The following MECOM variants were observed in gnomAD, a reference collection of about 807,000 sequenced individuals.
MECOM encodes histone-lysine N-methyltransferase MECOM.
MECOM carries 13 observed loss-of-function variants against 116.3 expected under a neutral mutation model. That is an observed-to-expected ratio of 0.11 (90% CI 0.07 to 0.18). The LOEUF (loss-of-function observed/expected upper bound fraction) is 0.18. Ranked by LOEUF, MECOM falls within the 10% of genes least tolerant of loss-of-function variation. MECOM has a pLI of 1.00. For synonymous variants in MECOM, 528 were observed against 535.2 expected (o/e 0.99, Z 0.19); for missense variants, 1,299 against 1,509.0 (o/e 0.86, Z 2.31).
intron 1 of MECOM, chr3:169,484,223 A>T (rs1751809671): frequency 1.8e-6 from 1 of 563,412 alleles, no homozygotes; most frequent in Non-Finnish European, 3.1e-6. Flanking sequence ...GTGAATGTTT[A>T]TAACAGAAAG....
At chr3:169,608,642 T>G (rs996703968) in intron 1 of MECOM, among the ~76,000 whole-genome samples, 1 of 152,180 alleles carries the variant, frequency 6.6e-6, no homozygotes, top group African/African-American at 2.4e-5. Context: ...GAGTCTGGTG[T>G]AAGGATGAAG....
intron 1 of MECOM, among the ~76,000 whole-genome samples, chr3:169,415,451 G>A (rs1007704791): frequency 8.5e-5 from 13 of 152,208 alleles, no homozygotes; most frequent in African/African-American, 2.4e-4. Flanking sequence ...AAAGATCATC[G>A]ACACTATGAA....
chr3:169,307,981 T>A (rs1045408999), intron 2 of MECOM, among the ~76,000 whole-genome samples: 3 of 152,216 alleles, frequency 2.0e-5, no homozygotes, highest in African/African-American at 7.2e-5. Context: ...AATTATTTCC[T>A]GATTCAAGTA....
At chr3:169,155,675 A>G (rs1741856446) in intron 2 of MECOM, among the ~76,000 whole-genome samples, 1 of 152,174 alleles carries the variant, frequency 6.6e-6, no homozygotes, top group Admixed American at 6.5e-5. Context: ...CCAAAATGCA[A>G]TCTCCTCTTT....
At chr3:169,378,509 GA>G (rs1443761747) in intron 2 of MECOM, among the ~76,000 whole-genome samples, 3 of 28,072 alleles carry the variant, frequency 1.1e-4, no homozygotes, top group Non-Finnish European at 1.3e-4. Flanking sequence ...AAGAAAGAAA[GA>G]AAGAAAAGAA....
chr3:169,407,869 C>T (rs896141777), intron 1 of MECOM, among the ~76,000 whole-genome samples: 1 of 152,208 alleles, frequency 6.6e-6, no homozygotes, highest in Admixed American at 6.5e-5. Context: ...AGGAATTCCA[C>T]TTCTTGATGG....
At chr3:169,146,610 G>T (rs769184017) in intron 2 of MECOM, 2 of 1,370,620 alleles carry the variant, frequency 1.5e-6, no homozygotes, top group East Asian at 3.9e-5. Flanking sequence ...AGGAAAGAAG[G>T]CTGGGGGCGG....
At chr3:169,518,011 GCACTTTGGGAGGC>G (rs1258905180) in intron 1 of MECOM, among the ~76,000 whole-genome samples, 3 of 152,212 alleles carry the variant, frequency 2.0e-5, no homozygotes, top group Non-Finnish European at 4.4e-5. Flanking sequence ...TGTAATCCCA[GCACTTTGGGAGGC>G]CAAGGCGGGC....
intron 2 of MECOM, among the ~76,000 whole-genome samples, chr3:169,365,136 C>T (rs1009787169): frequency 1.3e-5 from 2 of 151,880 alleles, no homozygotes; most frequent in Non-Finnish European, 2.9e-5. Flanking sequence ...TTAGACATAC[C>T]GCTGACCCTT....
chr3:169,115,379 T>G lies in MECOM; in HGVS notation c.2489+4A>C. 1 of 1,612,826 alleles carries G rather than the reference T, an allele frequency of 6.2e-7. No individual in the cohort carries two copies. Among genetic ancestry groups the G allele is most frequent in the South Asian group, 1.1e-5 (1 of 90,806 alleles). On this transcript the variant is annotated splice_donor_region_variant and intron_variant, in intron 8 of 16. Coordinates refer to ENST00000651503, the MANE Select transcript of MECOM (RefSeq NM_004991.4). ...ATATTTCGTCATCTTCCATACACGCTTACCTGTAAATAGGGTCCATAAAGA... is the reference window on the plus strand; with the variant it reads ...ATATTTCGTCATCTTCCATACACGCGTACCTGTAAATAGGGTCCATAAAGA...
chr3:169,207,287 GA>G (rs1174671544), intron 2 of MECOM, among the ~76,000 whole-genome samples: 1 of 152,178 alleles, frequency 6.6e-6, no homozygotes, highest in Admixed American at 6.5e-5. Flanking sequence ...TCCTGGAAAG[GA>G]ATTCCATATC....
At chr3:169,556,313 A>G (rs567917317) in intron 1 of MECOM, among the ~76,000 whole-genome samples, 1 of 152,190 alleles carries the variant, frequency 6.6e-6, no homozygotes, top group East Asian at 1.9e-4. Flanking sequence ...CCACCAGTGG[A>G]TGGTGGTGGT....
At chr3:169,659,440 A>ATT (rs56270349) in intron 1 of MECOM, among the ~76,000 whole-genome samples, 8,079 of 61,962 alleles carry the variant, frequency 0.13, 2,222 homozygotes, top group Non-Finnish European at 0.18. Flanking sequence ...CTAAACACAG[A>ATT]TTTTTTTTTT....
chr3:169,395,188 CTAGACTA>C (rs1734837864), intron 1 of MECOM, among the ~76,000 whole-genome samples: 2 of 152,162 alleles, frequency 1.3e-5, no homozygotes, highest in Admixed American at 1.3e-4. Flanking sequence ...TGAAACTCCA[CTAGACTA>C]TAAGGGGATG....
At chr3:169,300,866 T>C in intron 2 of MECOM, among the ~76,000 whole-genome samples, 1 of 152,224 alleles carries the variant, frequency 6.6e-6, no homozygotes, top group Admixed American at 6.5e-5. Flanking sequence ...AGCCTGGGGT[T>C]CTATTAGCTT....
At chr3:169,173,571 A>C (rs1460864712) in intron 2 of MECOM, among the ~76,000 whole-genome samples, 1 of 152,122 alleles carries the variant, frequency 6.6e-6, no homozygotes, top group East Asian at 1.9e-4. Flanking sequence ...TGACTCTCTC[A>C]GATCCCAAAT....
chr3:169,120,537 C>T (rs1045833515), intron 7 of MECOM, among the ~76,000 whole-genome samples: 2 of 152,186 alleles, frequency 1.3e-5, no homozygotes, highest in African/African-American at 4.8e-5. Flanking sequence ...AGCCTGTGAT[C>T]GGCAACAATG....
intron 1 of MECOM, among the ~76,000 whole-genome samples, chr3:169,495,229 G>A (rs1227595370): frequency 6.6e-6 from 1 of 152,076 alleles, no homozygotes; most frequent in East Asian, 1.9e-4. Flanking sequence ...TGAATTATGT[G>A]ACCGGTTTAT....
intron 4 of MECOM, among the ~76,000 whole-genome samples, chr3:169,129,957 A>C (rs987500118): frequency 6.6e-6 from 1 of 152,218 alleles, no homozygotes; most frequent in South Asian, 2.1e-4. Flanking sequence ...TGTGCAATAC[A>C]TGTGTTTCAT....
Sources: gnomAD v4.1 joint callset for allele counts (sites outside exome capture counted in the v4.1 genomes callset) on GRCh38, gnomAD v4.1.1 for gene constraint, MANE v1.5 for transcripts, NCBI Gene and HGNC (gene_info 2026-07-23, HGNC 2026-07-21) for gene names.